Variants in KCNMA1 observed in about 807,000 individuals in gnomAD.
The protein encoded by KCNMA1 is potassium calcium-activated channel subfamily M alpha 1.
A neutral mutation model predicts 140.0 loss-of-function variants in KCNMA1; 29 were observed. The ratio of observed to expected loss-of-function variants is 0.21; its 90% CI spans 0.15 to 0.28. The LOEUF (loss-of-function observed/expected upper bound fraction) is 0.28, where lower values mean the gene tolerates loss of function less well. Ranked by LOEUF, KCNMA1 falls within the 10% of genes least tolerant of loss-of-function variation. The probability of loss-of-function intolerance (pLI) is 1.00; values close to 1 mark genes in which losing one functional copy is unlikely to be tolerated. For missense variants in KCNMA1, 880 were observed against 1,602.2 expected (o/e 0.55, Z 7.70); for synonymous variants, 612 against 611.9 (o/e 1.00, Z 0.00).
At chr10:77,034,565 G>A (rs1252103617) in intron 15 of KCNMA1, among the ~76,000 whole-genome samples, 1 of 152,162 alleles carries the variant, frequency 6.6e-6, no homozygotes, top group Non-Finnish European at 1.5e-5. Context: ...CTGAATTTAG[G>A]AGGGGAGCAC....
chr10:77,322,627 G>T (rs1176884583), intron 2 of KCNMA1, among the ~76,000 whole-genome samples: 1 of 152,168 alleles, frequency 6.6e-6, no homozygotes, highest in African/African-American at 2.4e-5. Flanking sequence ...CTTAGAAACA[G>T]AATGAAAGTT....
At chr10:76,883,149 T>G (rs1357201384), downstream of KCNMA1, among the ~76,000 whole-genome samples, 2 of 152,204 alleles carry the variant, frequency 1.3e-5, no homozygotes, top group Non-Finnish European at 2.9e-5. Context: ...CTTACAGGGC[T>G]ATTCCCCTTT....
chr10:77,482,209 C>G (rs1269340441), intron 1 of KCNMA1, among the ~76,000 whole-genome samples: 1 of 152,232 alleles, frequency 6.6e-6, no homozygotes, highest in African/African-American at 2.4e-5. Flanking sequence ...GTCCCTGGGA[C>G]AGGGCAGCAG....
intron 5 of KCNMA1, among the ~76,000 whole-genome samples, chr10:77,174,913 C>G (rs1249417006): frequency 6.6e-6 from 1 of 152,208 alleles, no homozygotes; most frequent in Non-Finnish European, 1.5e-5. Flanking sequence ...AGGTCACACC[C>G]TCCACCCAGA....
intron 2 of KCNMA1, among the ~76,000 whole-genome samples, chr10:77,299,249 A>G (rs1463433464): frequency 6.6e-6 from 1 of 152,236 alleles, no homozygotes; most frequent in East Asian, 1.9e-4. Context: ...GAAACAAAAC[A>G]AAACATCATT....
At chr10:77,266,244 T>C (rs11814850) in intron 2 of KCNMA1, among the ~76,000 whole-genome samples, 2,504 of 152,242 alleles carry the variant, frequency 0.016, 60 homozygotes, top group African/African-American at 0.056. Context: ...CTGTTTCCTT[T>C]ATCATTAGAA....
intron 19 of KCNMA1, among the ~76,000 whole-genome samples, chr10:76,987,103 G>T (rs148045098): frequency 6.7e-6 from 1 of 149,036 alleles, no homozygotes; most frequent in Non-Finnish European, 1.5e-5. Context: ...TCTCATGAAA[G>T]ACCTTTTTCC....
At chr10:76,995,103 CA>C (rs2083828416) in intron 19 of KCNMA1, among the ~76,000 whole-genome samples, 1 of 152,192 alleles carries the variant, frequency 6.6e-6, no homozygotes, top group Admixed American at 6.5e-5. Flanking sequence ...GCAATCAACT[CA>C]GGGGGCGATC....
chr10:77,566,262 G>A (rs2068267880), intron 1 of KCNMA1, among the ~76,000 whole-genome samples: 1 of 152,134 alleles, frequency 6.6e-6, no homozygotes, highest in Admixed American at 6.6e-5. Flanking sequence ...AGGATCCTTG[G>A]TCCAGGAAAC....
intron 3 of KCNMA1, among the ~76,000 whole-genome samples, chr10:77,234,743 AG>A (rs2054806680): frequency 6.6e-6 from 1 of 152,234 alleles, no homozygotes; most frequent in Non-Finnish European, 1.5e-5. Context: ...CTTACAGTTA[AG>A]GGAACTAAGC....
intron 19 of KCNMA1, among the ~76,000 whole-genome samples, chr10:76,997,330 T>C (rs148724738): frequency 1.1e-4 from 16 of 152,374 alleles, no homozygotes; most frequent in African/African-American, 3.6e-4. Context: ...AAAGGCTGCA[T>C]GTAATTGTGC....
intron 19 of KCNMA1, among the ~76,000 whole-genome samples, chr10:76,986,844 C>A (rs1424835702): frequency 6.6e-5 from 10 of 152,142 alleles, no homozygotes; most frequent in Admixed American, 6.5e-4. Context: ...AACATCAGCA[C>A]CCCCAGATCC....
chr10:77,327,245 G>A (rs1167043440), intron 2 of KCNMA1, among the ~76,000 whole-genome samples: 3 of 151,496 alleles, frequency 2.0e-5, no homozygotes, highest in Middle Eastern at 3.4e-3. Flanking sequence ...AAGTTCACCC[G>A]CCATCCCTGT....
chr10:76,940,979 AAG>A (rs141956247), intron 23 of KCNMA1, among the ~76,000 whole-genome samples: 28 of 130,426 alleles, frequency 2.1e-4, no homozygotes, highest in African/African-American at 8.6e-4. Flanking sequence ...GAAAGAAAGA[AAG>A]AGAGAAAGAG....
intron 1 of KCNMA1, among the ~76,000 whole-genome samples, chr10:77,422,670 C>T (rs188573633): frequency 1.2e-4 from 18 of 152,292 alleles, no homozygotes; most frequent in African/African-American, 4.3e-4. Context: ...AAAATGAGGT[C>T]ATACTGGAGT....
chr10:76,869,726 T>C (rs1040652373), exon 28 of KCNMA1: 1 of 152,504 alleles, frequency 6.6e-6, no homozygotes, highest in African/African-American at 2.4e-5. Context: ...GATGACAGAG[T>C]TGGGTAGATC....
At chr10:77,051,767 C>T (rs1455592425) in intron 14 of KCNMA1, among the ~76,000 whole-genome samples, 1 of 152,130 alleles carries the variant, frequency 6.6e-6, no homozygotes, top group East Asian at 1.9e-4. Flanking sequence ...GGAGCATAAC[C>T]TCTCCAAGCC....
intron 1 of KCNMA1, among the ~76,000 whole-genome samples, chr10:77,618,175 C>A (rs145796624): frequency 6.6e-6 from 1 of 152,118 alleles, no homozygotes; most frequent in African/African-American, 2.4e-5. Context: ...TGAAAGGAGC[C>A]GGGGTCTTTA....
chr10:77,021,354 A>G (rs1426701960), intron 16 of KCNMA1, among the ~76,000 whole-genome samples: 2 of 152,186 alleles, frequency 1.3e-5, no homozygotes, highest in African/African-American at 4.8e-5. Flanking sequence ...TAAAGTATGT[A>G]CTATGTGCTA....
Sources: allele counts gnomAD v4.1 joint callset (sites outside exome capture counted in the v4.1 genomes callset), GRCh38; gene constraint gnomAD v4.1.1; transcripts MANE v1.5; gene names NCBI Gene and HGNC (gene_info 2026-07-23, HGNC 2026-07-21).